The following SV2C variants were observed in gnomAD, a reference collection of about 807,000 sequenced individuals.
SV2C encodes the protein synaptic vesicle glycoprotein 2C.
A neutral mutation model predicts 79.7 loss-of-function variants in SV2C; 49 were observed. That is an observed-to-expected ratio of 0.61 (90% CI 0.49 to 0.78). The LOEUF (loss-of-function observed/expected upper bound fraction) is 0.78, where lower values mean the gene tolerates loss of function less well. Ranked by LOEUF, SV2C falls within the 30% of genes least tolerant of loss-of-function variation. The probability of loss-of-function intolerance (pLI) is 0.00; values close to 1 mark genes in which losing one functional copy is unlikely to be tolerated. For synonymous variants in SV2C, 334 were observed against 333.2 expected (o/e 1.00, Z -0.03); for missense variants, 833 against 912.9 (o/e 0.91, Z 1.13).
At chr5:76,253,609 A>G (rs979908443) in intron 4 of SV2C, among the ~76,000 whole-genome samples, 3 of 151,924 alleles carry the variant, frequency 2.0e-5, no homozygotes, top group African/African-American at 7.3e-5. Context: ...TTAGATGAGC[A>G]TAAAGTGTGG....
chr5:76,122,836 A>G (rs1748565197), intron 1 of SV2C, among the ~76,000 whole-genome samples: 1 of 152,160 alleles, frequency 6.6e-6, no homozygotes, highest in Admixed American at 6.5e-5. Context: ...GACCAAACAC[A>G]TTCAAAAGCT....
intron 4 of SV2C, among the ~76,000 whole-genome samples, chr5:76,271,932 G>A (rs1746882634): frequency 1.3e-5 from 2 of 152,084 alleles, no homozygotes; most frequent in Admixed American, 1.3e-4. Flanking sequence ...AGAAATTAGA[G>A]CTCCCAGTCA....
At chr5:76,169,519 T>C (rs1167839481) in intron 2 of SV2C, among the ~76,000 whole-genome samples, 1 of 152,212 alleles carries the variant, frequency 6.6e-6, no homozygotes, top group African/African-American at 2.4e-5. Context: ...ACAGAACTAC[T>C]GGATCAAAGA....
Position 76,300,836 on chromosome 5 carries a change from A to G in SV2C, c.1744A>G (p.Ile582Val). ...TFDDDYSAYWIYFVNFLGTLA... is the reference protein window; with the variant it reads ...TFDDDYSAYWVYFVNFLGTLA... ...TGATGATGACTATAGTGCCTACTGG[A>G]TTTATTTTGTCAACTTTCTGGGGAC... Residue 582 changes from isoleucine to valine, a missense_variant, in exon 11 of 13, where the codon ATT (isoleucine) becomes GTT (valine). Transcript: ENST00000502798. 6.2e-7 allele frequency: 1 copy of G among 1,614,126 alleles called. No individual in the cohort carries two copies. The highest frequency in any genetic ancestry group is 8.5e-7 in the Non-Finnish European group (1 of 1,179,994).
intron 2 of SV2C, among the ~76,000 whole-genome samples, chr5:76,141,304 A>G (rs1021897858): frequency 7.9e-5 from 12 of 152,160 alleles, no homozygotes; most frequent in African/African-American, 2.9e-4. Flanking sequence ...TTTCCATAAT[A>G]CAGCTCTGAA....
At chr5:76,051,246 T>C in the SV2C span, among the ~76,000 whole-genome samples, 1 of 152,162 alleles carries the variant, frequency 6.6e-6, no homozygotes, top group African/African-American at 2.4e-5. Flanking sequence ...CAGAAAACAT[T>C]TCTTTTGATG....
At chr5:76,108,266 T>C (rs1043048071) in intron 1 of SV2C, among the ~76,000 whole-genome samples, 1 of 152,182 alleles carries the variant, frequency 6.6e-6, no homozygotes, top group Non-Finnish European at 1.5e-5. Context: ...ATAGCAAAGA[T>C]AGGTAGTTAA....
the SV2C span, among the ~76,000 whole-genome samples, chr5:76,048,862 TGAGA>T: frequency 4.6e-4 from 30 of 65,870 alleles, no homozygotes; most frequent in East Asian, 6.9e-4. Flanking sequence ...AGGAAGGGGG[TGAGA>T]GAGAGAGAGA....
chr5:76,074,894 C>T, the SV2C span, among the ~76,000 whole-genome samples: 1 of 152,210 alleles, frequency 6.6e-6, no homozygotes, highest in Admixed American at 6.5e-5. Flanking sequence ...CAGAAATAAA[C>T]TTGAAACACA....
rs749047312 is a variant in SV2C, at chr5:76,174,066, A to G, written c.581-20853A>G. 3.2e-6 allele frequency: 5 copies of G among 1,576,370 alleles called. No homozygotes were observed. In the South Asian group the frequency reaches 4.4e-5, roughly 14 times the overall value. The stretch of plus-strand genomic sequence containing the variant: ...GCATCTACTTCAACTTGCTCTCTAT[A>G]AGAATCTTCTATCGTAGGATCGTAT... On this transcript the variant is annotated intron_variant, in intron 2 of 12. Coordinates refer to ENST00000502798, the MANE Select transcript of SV2C (RefSeq NM_014979.4).
the SV2C span, among the ~76,000 whole-genome samples, chr5:75,989,387 G>C: frequency 2.0e-5 from 3 of 151,998 alleles, no homozygotes; most frequent in Non-Finnish European, 2.9e-5. Flanking sequence ...TGTGGTGCTT[G>C]GTTTTCTGTT....
chr5:75,976,024 G>A, the SV2C span, among the ~76,000 whole-genome samples: 1 of 152,148 alleles, frequency 6.6e-6, no homozygotes, highest in East Asian at 1.9e-4. Flanking sequence ...CTGAAACCGT[G>A]CAGGAATAAC....
the SV2C span, among the ~76,000 whole-genome samples, chr5:76,030,285 T>TATTTATTTATTTC: frequency 9.1e-6 from 1 of 109,960 alleles, no homozygotes; most frequent in African/African-American, 5.4e-5. Flanking sequence ...TTTTTTTTTT[T>TATTTATTTATTTC]TTTTTTTATT....
At chr5:76,047,800 T>A in the SV2C span, among the ~76,000 whole-genome samples, 6 of 150,020 alleles carry the variant, frequency 4.0e-5, no homozygotes, top group Admixed American at 2.0e-4. Context: ...GAGTCTTGCT[T>A]TGTCGCCCAG....
chr5:76,040,809 C>T, the SV2C span, among the ~76,000 whole-genome samples: 1 of 152,186 alleles, frequency 6.6e-6, no homozygotes, highest in African/African-American at 2.4e-5. Flanking sequence ...TAGTCACAGG[C>T]ATTTTGAATG....
chr5:75,905,759 T>C, the SV2C span, among the ~76,000 whole-genome samples: 1 of 151,988 alleles, frequency 6.6e-6, no homozygotes, highest in African/African-American at 2.4e-5. Flanking sequence ...CCTATTTCTT[T>C]TCTTAAAAAT....
chr5:76,242,277 C>T, intron 4 of SV2C: 1 of 1,257,296 alleles, frequency 8.0e-7, no homozygotes, highest in Admixed American at 1.7e-5. Context: ...GCATCCCCTT[C>T]AGCCTTTCTC....
chr5:75,930,370 C>T, the SV2C span, among the ~76,000 whole-genome samples: 1 of 152,138 alleles, frequency 6.6e-6, no homozygotes, highest in Admixed American at 6.5e-5. Flanking sequence ...CCTAGAGGAG[C>T]GCCAGTTTTT....
At chr5:75,973,636 T>C in the SV2C span, among the ~76,000 whole-genome samples, 4 of 152,132 alleles carry the variant, frequency 2.6e-5, no homozygotes, top group Non-Finnish European at 5.9e-5. Context: ...AATTACACTG[T>C]TCTGATGATT....
Sources: gnomAD v4.1 joint callset for allele counts (sites outside exome capture counted in the v4.1 genomes callset) on GRCh38, gnomAD v4.1.1 for gene constraint, MANE v1.5 for transcripts, NCBI Gene and HGNC (gene_info 2026-07-23, HGNC 2026-07-21) for gene names.